The following NTN4 variants were observed in gnomAD, a reference collection of about 807,000 sequenced individuals.
NTN4 encodes netrin-4.
NTN4 carries 32 observed loss-of-function variants against 73.6 expected under a neutral mutation model. The ratio of observed to expected loss-of-function variants is 0.44; its 90% confidence interval spans 0.33 to 0.58. The LOEUF is 0.58. Among genes scored for constraint, NTN4 ranks in the 20% least tolerant of loss-of-function variants. NTN4 has a pLI of 0.04. For synonymous variants in NTN4, 258 were observed against 287.5 expected (o/e 0.90, Z 1.04); for missense variants, 654 against 798.3 (o/e 0.82, Z 2.18).
intron 7 of NTN4, chr12:95,673,139 T>C: frequency 1.3e-6 from 1 of 778,110 alleles, no homozygotes; most frequent in Non-Finnish European, 2.1e-6. Flanking sequence ...TCATCCCTCC[T>C]GCACACGCCA....
intron 9 of NTN4, among the ~76,000 whole-genome samples, chr12:95,659,521 C>A (rs751628533): frequency 6.6e-6 from 1 of 152,072 alleles, no homozygotes; most frequent in Admixed American, 6.6e-5. Flanking sequence ...TGGTCTCGAG[C>A]TCCTGAACTC....
rs941624549 is a variant in NTN4, at chr12:95,658,188, A to G, written c.*898T>C. The G allele has an allele frequency of 5.9e-5, 9 of 152,254 alleles. No individual in the cohort carries two copies. The highest frequency in any genetic ancestry group is 2.2e-4 in the African/African-American group (9 of 41,470). The allele number at this position is 152,254 out of a possible 1,614,324, so 9.4% of individuals were successfully genotyped here. ...GTCTACAATAATTTTTGAAGTGTAT[A>G]CAAGTGCATTGCAAATGAGCTCTTT... On this transcript the variant is annotated 3_prime_UTR_variant, in exon 10 of 10. Coordinates refer to ENST00000343702, the MANE Select transcript of NTN4 (RefSeq NM_021229.4).
intron 8 of NTN4, among the ~76,000 whole-genome samples, chr12:95,668,354 C>G (rs1273535484): frequency 6.6e-6 from 1 of 152,120 alleles, no homozygotes; most frequent in Non-Finnish European, 1.5e-5. Context: ...ATAAGGAAAA[C>G]CAGTTGATAT....
chr12:95,696,783 A>C (rs1341905769), intron 5 of NTN4, among the ~76,000 whole-genome samples: 1 of 152,238 alleles, frequency 6.6e-6, no homozygotes, highest in Non-Finnish European at 1.5e-5. Flanking sequence ...TCAAATGGTC[A>C]AAACAAAGCA....
intron 3 of NTN4, among the ~76,000 whole-genome samples, chr12:95,736,720 A>G (rs1402890950): frequency 6.6e-6 from 1 of 152,190 alleles, no homozygotes; most frequent in Non-Finnish European, 1.5e-5. Context: ...CATTTTCTTC[A>G]ACTCTGGGAG....
chr12:95,738,275 G>T, intron 2 of NTN4, 131 bp from the exon 3 acceptor site: 1 of 850,836 alleles, frequency 1.2e-6, no homozygotes. Flanking sequence ...GAAGTTTTTA[G>T]ACCTTGAGCA....
At chr12:95,748,476 C>CTTTT (rs762351453) in intron 2 of NTN4, among the ~76,000 whole-genome samples, 23 of 105,912 alleles carry the variant, frequency 2.2e-4, no homozygotes, top group African/African-American at 6.3e-4. Flanking sequence ...ATTTTCTTTT[C>CTTTT]TTTTTTTTTT....
intron 7 of NTN4, among the ~76,000 whole-genome samples, chr12:95,682,057 C>CGTTTTT (rs2078320305): frequency 1.5e-5 from 1 of 64,546 alleles, no homozygotes; most frequent in Non-Finnish European, 2.6e-5. Context: ...ATTCAGTAGG[C>CGTTTTT]TTTTTTTTTT....
chr12:95,670,438 T>C (rs1332973762), intron 7 of NTN4: 1 of 221,188 alleles, frequency 4.5e-6, no homozygotes, highest in Admixed American at 5.7e-5. Flanking sequence ...AGTATTAATA[T>C]TCCATGCTAA....
chr12:95,763,642 T>C (rs959088566), intron 2 of NTN4, among the ~76,000 whole-genome samples: 1 of 152,224 alleles, frequency 6.6e-6, no homozygotes, highest in Non-Finnish European at 1.5e-5. Context: ...CACATGTTAC[T>C]AATGACGGTA....
At chr12:95,724,083 T>C (rs2121127365) in intron 3 of NTN4, among the ~76,000 whole-genome samples, 1 of 152,332 alleles carries the variant, frequency 6.6e-6, no homozygotes, top group Admixed American at 6.5e-5. Context: ...TTTTAACATG[T>C]TTCGTATAGT....
At chr12:95,782,837 A>T (rs2079142745) in intron 2 of NTN4, among the ~76,000 whole-genome samples, 1 of 152,204 alleles carries the variant, frequency 6.6e-6, no homozygotes, top group African/African-American at 2.4e-5. Flanking sequence ...AGGAGACAGT[A>T]ACTACATCCC....
intron 2 of NTN4, among the ~76,000 whole-genome samples, chr12:95,764,763 T>C (rs2079009786): frequency 6.6e-6 from 1 of 151,748 alleles, no homozygotes; most frequent in African/African-American, 2.4e-5. Context: ...GCCTGGTGCA[T>C]GTTTTATAAA....
intron 2 of NTN4, among the ~76,000 whole-genome samples, chr12:95,754,025 C>T (rs951351830): frequency 6.6e-5 from 10 of 152,182 alleles, no homozygotes; most frequent in Admixed American, 3.3e-4. Flanking sequence ...CTGGTGCTAT[C>T]CCCAAACTGC....
chr12:95,746,532 A>G (rs1194034421), intron 2 of NTN4, among the ~76,000 whole-genome samples: 1 of 152,128 alleles, frequency 6.6e-6, no homozygotes, highest in Non-Finnish European at 1.5e-5. Flanking sequence ...CGTTTTCTCT[A>G]ACTCGCTCAG....
chr12:95,706,343 GC>G (rs1450109552), intron 5 of NTN4, among the ~76,000 whole-genome samples: 3 of 152,128 alleles, frequency 2.0e-5, no homozygotes, highest in Non-Finnish European at 4.4e-5. Flanking sequence ...CTCCAACTTT[GC>G]CAGTAAGTGT....
chr12:95,746,887 A>G (rs1181619876), intron 2 of NTN4, among the ~76,000 whole-genome samples: 1 of 152,264 alleles, frequency 6.6e-6, no homozygotes, highest in African/African-American at 2.4e-5. Context: ...TGGAAGTTCA[A>G]TACTTTAAAA....
Position 95,790,196 on chromosome 12 carries a change from G to A in NTN4, c.55+59C>T. The A allele has an allele frequency of 2.1e-6, 3 of 1,460,464 alleles. No individual in the cohort carries two copies. The highest frequency in any genetic ancestry group is 1.5e-5 in the African/African-American group (1 of 68,436). The allele number at this position is 1,460,464 out of a possible 1,614,324, so 90.5% of individuals were successfully genotyped here. On this transcript the variant is annotated intron_variant, in intron 1 of 9. Transcript: ENST00000343702. The surrounding 1 kb of genome is among the most constrained non-coding windows in gnomAD (Gnocchi z 6.5). Reference sequence around the variant, plus strand: ...TGGCTCCCCTGCACCCCCGAGTCCCGAGATGGGTTAGAGAAGCAGCGAGGG... The same window carrying A: ...TGGCTCCCCTGCACCCCCGAGTCCCAAGATGGGTTAGAGAAGCAGCGAGGG...
intron 7 of NTN4, among the ~76,000 whole-genome samples, chr12:95,676,260 C>T (rs2078272532): frequency 6.6e-6 from 1 of 151,976 alleles, no homozygotes; most frequent in Non-Finnish European, 1.5e-5. Flanking sequence ...CGCGCCACCA[C>T]ACCCAGCTAA....
Sources: gnomAD v4.1 joint callset for allele counts (sites outside exome capture counted in the v4.1 genomes callset) on GRCh38, gnomAD v4.1.1 for gene constraint, Gnocchi (gnomAD v3.1) non-coding constraint, MANE v1.5 for transcripts, NCBI Gene and HGNC (gene_info 2026-07-23, HGNC 2026-07-21) for gene names.